NDUFA8: variants seen among roughly 807,000 people sequenced by gnomAD.
The protein encoded by NDUFA8 is NADH:ubiquinone oxidoreductase subunit A8.
Under a neutral mutation model 20.9 loss-of-function variants are expected in NDUFA8, and 16 were observed. The observed-to-expected ratio is 0.77, with a 90% CI of 0.52 to 1.16. NDUFA8 has a LOEUF of 1.16. Among genes scored for constraint, NDUFA8 ranks in the 50% most tolerant of loss-of-function variants. The pLI is 0.00. For synonymous variants in NDUFA8, 70 were observed against 76.1 expected (o/e 0.92, Z 0.41); for missense variants, 202 against 216.4 (o/e 0.93, Z 0.42).
downstream of NDUFA8, among the ~76,000 whole-genome samples, chr9:122,143,443 T>A (rs1334834609): frequency 6.6e-6 from 1 of 152,214 alleles, no homozygotes; most frequent in African/African-American, 2.4e-5. Flanking sequence ...GGCTTTAACC[T>A]GCCCAGGAGG....
At chr9:122,152,445 TGAAC>T in intron 1 of NDUFA8, 37 bp from the exon 2 acceptor site, 1 of 1,605,006 alleles carries the variant, frequency 6.2e-7, no homozygotes, top group Non-Finnish European at 8.5e-7. Context: ...CCACAGACTG[TGAAC>T]CAGAATACCA....
chr9:122,152,227 G>A lies in NDUFA8; in HGVS notation c.215+18C>T. 1 of 1,614,094 alleles carries A rather than the reference G, an allele frequency of 6.2e-7. No individual in the cohort carries two copies. Among genetic ancestry groups the A allele is most frequent in the South Asian group, 1.1e-5 (1 of 91,074 alleles). On this transcript the variant is annotated intron_variant, in intron 2 of 3. Coordinates refer to ENST00000373768, the MANE Select transcript of NDUFA8 (RefSeq NM_014222.3). ...TTTATGCTTCAACCAAGTAGGCACT[G>A]ATACCAAAGATTTTTACCTAAAGAA...
intron 2 of NDUFA8, 22 bp from the exon 3 acceptor site, chr9:122,148,299 G>A (rs748528155): frequency 6.2e-7 from 1 of 1,613,894 alleles, no homozygotes; most frequent in Non-Finnish European, 8.5e-7. Flanking sequence ...AGCTGGGTTA[G>A]GGGCATCTCT....
At position 122,159,705 on chromosome 9, in the gene NDUFA8, A is replaced by T. The variant is rs749054055; in HGVS notation, c.-28T>A. On this transcript the variant is annotated 5_prime_UTR_variant, in exon 1 of 4. Coordinates refer to ENST00000373768, the MANE Select transcript of NDUFA8 (RefSeq NM_014222.3). ...CGGCTGCAGCCCCGACCCCGACGAG[A>T]AGCCCTCAGCCGCGTCGCCCCCGTC... The T allele has an allele frequency of 6.2e-7, 1 of 1,613,914 alleles. No homozygotes were observed. The highest frequency in any genetic ancestry group is 1.1e-5 in the South Asian group (1 of 91,068).
chr9:122,152,166 G>T (rs1237299666), intron 2 of NDUFA8, 79 bp downstream of exon 2: 5 of 1,503,640 alleles, frequency 3.3e-6, no homozygotes, highest in Middle Eastern at 1.7e-4. Context: ...ATAAAATCCA[G>T]ATTATTAGCT....
At chr9:122,135,788 C>T in the NDUFA8 span, among the ~76,000 whole-genome samples, 1 of 152,108 alleles carries the variant, frequency 6.6e-6, no homozygotes, top group Non-Finnish European at 1.5e-5. Flanking sequence ...GGGGTTTCAC[C>T]ATGTTGCCCA....
chr9:122,144,286 C>T lies in NDUFA8; in HGVS notation c.474G>A (p.Leu158=), dbSNP rs189496804. 1.9e-6 allele frequency: 3 copies of T among 1,614,138 alleles called. 1 individual carries two copies. In the Admixed American group the frequency reaches 5.0e-5, roughly 27 times the overall value. Residue 158 remains leucine, a synonymous_variant, in exon 4 of 4, where the codon CTG becomes CTA. Coordinates refer to ENST00000373768, the MANE Select transcript of NDUFA8 (RefSeq NM_014222.3). ...PDPSPEIEGD[L]QPATHGSRFY... ...AGCGGCTGCCATGTGTGGCAGGCTG[C>T]AGATCTCCCTCGATCTCAGGGCTGG... is the stretch of plus-strand genomic sequence containing the variant.
At chr9:122,152,846 C>T (rs1374204086) in intron 1 of NDUFA8, among the ~76,000 whole-genome samples, 2 of 152,060 alleles carry the variant, frequency 1.3e-5, no homozygotes, top group Non-Finnish European at 2.9e-5. Flanking sequence ...AATGGCACCC[C>T]TAATAGAATC....
Position 122,152,288 on chromosome 9 carries a change from C to A in NDUFA8, c.172G>T (p.Glu58Ter). ...WEEKDPRRCL[E>*]EGKLVNKCAL... ...CACTTGTTGACCAGTTTGCCTTCCT[C>A]TAAACACCGCCTCGGATCTTTCTCT... The change falls in exon 2 of 4, where the codon GAG becomes TAG. Residue 58 changes from glutamate to a stop codon, truncating the protein, a stop_gained. Transcript: ENST00000373768. LOFTEE classifies it high-confidence loss of function. 6.2e-7 allele frequency: 1 copy of A among 1,614,216 alleles called. No homozygotes were observed. Among genetic ancestry groups the A allele is most frequent in the Non-Finnish European group, 8.5e-7 (1 of 1,180,044 alleles).
Position 122,151,523 on chromosome 9 carries a change from T to C in NDUFA8, c.215+722A>G, listed in dbSNP as rs575243573. Among the ~76,000 whole-genome samples, 13 of 151,848 alleles carry C rather than the reference T, an allele frequency of 8.6e-5. 1 individual carries two copies. The South Asian group carries it at 2.7e-3, about 32-fold the overall frequency. On this transcript the variant is annotated intron_variant, in intron 2 of 3. Transcript: ENST00000373768. ...GCAACTCGAGTGGCTGGTGGCCATTTTTGGTACAGCAAGGTGAGAGTCTTT... is the reference window on the plus strand; with the variant it reads ...GCAACTCGAGTGGCTGGTGGCCATTCTTGGTACAGCAAGGTGAGAGTCTTT...
intron 1 of NDUFA8, among the ~76,000 whole-genome samples, chr9:122,155,827 A>C (rs772822568): frequency 1.1e-4 from 17 of 152,268 alleles, no homozygotes; most frequent in Non-Finnish European, 1.8e-4. Flanking sequence ...CGGCCCAAAA[A>C]GACTGACGCA....
chr9:122,143,532 T>C (rs1279166692), downstream of NDUFA8, among the ~76,000 whole-genome samples: 1 of 152,204 alleles, frequency 6.6e-6, no homozygotes, highest in South Asian at 2.1e-4. Context: ...AAGGTTGGAA[T>C]TGACACTCAG....
At chr9:122,143,936 G>T, downstream of NDUFA8, 1 of 615,508 alleles carries the variant, frequency 1.6e-6, no homozygotes, top group Non-Finnish European at 2.4e-6. Context: ...GGGATCCCCA[G>T]CCACATGAGC....
intron 1 of NDUFA8, among the ~76,000 whole-genome samples, chr9:122,156,022 AAC>A (rs1165212914): frequency 1.3e-5 from 2 of 152,220 alleles, no homozygotes; most frequent in Admixed American, 6.5e-5. Context: ...CCAGAACTAG[AAC>A]ACAGAGATTG....
At chr9:122,143,038 T>C (rs574869698), downstream of NDUFA8, among the ~76,000 whole-genome samples, 1 of 152,314 alleles carries the variant, frequency 6.6e-6, no homozygotes, top group South Asian at 2.1e-4. Flanking sequence ...CTTCCGGATG[T>C]GGGGTCAGCA....
downstream of NDUFA8, among the ~76,000 whole-genome samples, chr9:122,142,958 T>C (rs558090692): frequency 4.3e-4 from 66 of 152,318 alleles, no homozygotes; most frequent in African/African-American, 1.5e-3. Flanking sequence ...TTAGAGAATC[T>C]GAGGCAAAAG....
intron 3 of NDUFA8, among the ~76,000 whole-genome samples, chr9:122,145,624 TTA>T (rs1355661076): frequency 1.8e-4 from 27 of 152,332 alleles, no homozygotes; most frequent in Admixed American, 5.9e-4. Flanking sequence ...TATAACCACC[TTA>T]TGAGGCATTA....
intron 2 of NDUFA8, among the ~76,000 whole-genome samples, chr9:122,148,496 T>C (rs1268318595): frequency 6.6e-6 from 1 of 152,198 alleles, no homozygotes; most frequent in African/African-American, 2.4e-5. Context: ...CTAATTTCTT[T>C]ATATAGTAAG....
intron 1 of NDUFA8, among the ~76,000 whole-genome samples, chr9:122,158,357 T>A (rs1475473659): frequency 6.6e-6 from 1 of 152,054 alleles, no homozygotes; most frequent in Non-Finnish European, 1.5e-5. Flanking sequence ...TCTGGCCTTG[T>A]AGAAGCTGCT....
Sources: allele counts gnomAD v4.1 joint callset (sites outside exome capture counted in the v4.1 genomes callset), GRCh38; gene constraint gnomAD v4.1.1; transcripts MANE v1.5; gene names NCBI Gene and HGNC (gene_info 2026-07-23, HGNC 2026-07-21).